Variants in PRKN observed in about 807,000 individuals in gnomAD.
PRKN encodes the protein parkin RBR E3 ubiquitin protein ligase.
Under a neutral mutation model 59.5 loss-of-function variants are expected in PRKN, and 56 were observed. The observed-to-expected ratio is 0.94, with a 90% CI of 0.76 to 1.18. PRKN has a LOEUF of 1.18. Ranked by LOEUF, PRKN falls within the 50% of genes most tolerant of loss-of-function variation. The pLI is 0.00. For missense variants in PRKN, 657 were observed against 596.4 expected (o/e 1.10, Z -1.06); for synonymous variants, 250 against 222.1 (o/e 1.13, Z -1.12).
At chr6:162,467,588 G>A (rs376293993) in intron 1 of PRKN, among the ~76,000 whole-genome samples, 11 of 151,948 alleles carry the variant, frequency 7.2e-5, no homozygotes, top group African/African-American at 2.4e-4. Context: ...CTGCATTGTC[G>A]TGACCATTAT....
At chr6:162,367,141 T>G (rs12206970) in intron 2 of PRKN, among the ~76,000 whole-genome samples, 1 of 151,826 alleles carries the variant, frequency 6.6e-6, no homozygotes, top group African/African-American at 2.4e-5. Flanking sequence ...GGGGAGCTGA[T>G]GGTTTTATCA....
intron 1 of PRKN, among the ~76,000 whole-genome samples, chr6:162,528,086 G>A (rs532626765): frequency 8.0e-6 from 1 of 125,556 alleles, no homozygotes; most frequent in Admixed American, 8.1e-5. Flanking sequence ...CGGGAGGGGT[G>A]CGGGGCGGCG....
chr6:162,280,933 G>A (rs529906490), intron 2 of PRKN, among the ~76,000 whole-genome samples: 1 of 151,918 alleles, frequency 6.6e-6, no homozygotes, highest in Non-Finnish European at 1.5e-5. Context: ...ATACACCATG[G>A]AATACTATGC....
intron 1 of PRKN, among the ~76,000 whole-genome samples, chr6:162,562,395 G>A (rs1482000089): frequency 6.6e-6 from 1 of 152,124 alleles, no homozygotes; most frequent in Non-Finnish European, 1.5e-5. Context: ...GTGTGCTCTT[G>A]GGGTCCCCAG....
intron 7 of PRKN, among the ~76,000 whole-genome samples, chr6:161,569,951 A>T (rs1780807094): frequency 6.6e-6 from 1 of 151,756 alleles, no homozygotes; most frequent in South Asian, 2.1e-4. Flanking sequence ...AGGCTTTGTG[A>T]AGACCTATTA....
At chr6:162,721,014 CA>C (rs1778922345) in intron 1 of PRKN, among the ~76,000 whole-genome samples, 2 of 152,150 alleles carry the variant, frequency 1.3e-5, no homozygotes, top group Non-Finnish European at 2.9e-5. Context: ...ATCTATTCTA[CA>C]AAAATAAGAA....
At chr6:161,945,179 T>G (rs1583386260) in intron 6 of PRKN, among the ~76,000 whole-genome samples, 1 of 151,928 alleles carries the variant, frequency 6.6e-6, no homozygotes, top group East Asian at 1.9e-4. Context: ...GGATTGGAAG[T>G]TTTTCAAAAT....
intron 6 of PRKN, among the ~76,000 whole-genome samples, chr6:161,835,147 G>A (rs544825686): frequency 5.3e-5 from 8 of 152,182 alleles, no homozygotes; most frequent in Non-Finnish European, 8.8e-5. Context: ...TCTGAAATAC[G>A]ACAGGAGTTA....
At chr6:162,402,866 C>G (rs750228361) in intron 2 of PRKN, among the ~76,000 whole-genome samples, 1 of 151,846 alleles carries the variant, frequency 6.6e-6, no homozygotes, top group South Asian at 2.1e-4. Flanking sequence ...ATTGCCCGGG[C>G]TGGTTTCACA....
At position 162,589,375 on chromosome 6, in the gene PRKN, C is replaced by T. The variant is rs545637081; in HGVS notation, c.7+138287G>A. On this transcript the variant is annotated intron_variant, in intron 1 of 11. Coordinates refer to ENST00000366898, the MANE Select transcript of PRKN (RefSeq NM_004562.3). ...TTAAAAAAAATAACACTGATAGCTC[C>T]TACCATCCATAAACAGATATATTCG... 2.8e-4 allele frequency among the ~76,000 whole-genome samples: 43 copies of T among 152,176 alleles called. 1 individual carries two copies. The highest frequency in any genetic ancestry group is 8.7e-4 in the African/African-American group (36 of 41,534).
intron 2 of PRKN, among the ~76,000 whole-genome samples, chr6:162,354,085 G>T (rs558319414): frequency 6.6e-6 from 1 of 152,182 alleles, no homozygotes; most frequent in East Asian, 1.9e-4. Context: ...TATTTGTCTA[G>T]AATTTAATTC....
intron 2 of PRKN, among the ~76,000 whole-genome samples, chr6:162,320,534 A>G (rs1419951283): frequency 6.6e-6 from 1 of 151,570 alleles, no homozygotes; most frequent in Non-Finnish European, 1.5e-5. Context: ...AAGAATGTGC[A>G]AATTAAAACC....
intron 7 of PRKN, among the ~76,000 whole-genome samples, chr6:161,765,442 A>G (rs1273680832): frequency 6.6e-6 from 1 of 152,226 alleles, no homozygotes; most frequent in Non-Finnish European, 1.5e-5. Context: ...TGGCAAAATT[A>G]CAGCCTAGAC....
chr6:161,787,015 A>G (rs1333931248), intron 6 of PRKN, among the ~76,000 whole-genome samples: 1 of 152,180 alleles, frequency 6.6e-6, no homozygotes, highest in Non-Finnish European at 1.5e-5. Context: ...ATCAGCCCCA[A>G]GGCGATTTTA....
intron 7 of PRKN, among the ~76,000 whole-genome samples, chr6:161,658,299 T>C (rs1784428860): frequency 1.3e-5 from 2 of 152,206 alleles, no homozygotes; most frequent in African/African-American, 2.4e-5. Flanking sequence ...ATTGGAAGTG[T>C]TGGTCAATTA....
chr6:162,054,745 C>A (rs1209846509), intron 4 of PRKN, among the ~76,000 whole-genome samples: 2 of 152,206 alleles, frequency 1.3e-5, no homozygotes, highest in African/African-American at 4.8e-5. Context: ...AGCAACACTT[C>A]TTTTAAATTA....
intron 7 of PRKN, among the ~76,000 whole-genome samples, chr6:161,625,426 T>TG (rs1783049470): frequency 1.4e-5 from 1 of 70,324 alleles, no homozygotes; most frequent in Non-Finnish European, 2.8e-5. Flanking sequence ...GATGGGGGCC[T>TG]GGGGGAGGGA....
chr6:161,803,813 G>A (rs1239374185), intron 6 of PRKN, among the ~76,000 whole-genome samples: 1 of 152,222 alleles, frequency 6.6e-6, no homozygotes, highest in Non-Finnish European at 1.5e-5. Context: ...TTCCTGGCAT[G>A]TGGCGGGTCT....
intron 2 of PRKN, among the ~76,000 whole-genome samples, chr6:162,265,389 G>A (rs1199497412): frequency 2.6e-5 from 4 of 152,082 alleles, no homozygotes; most frequent in Non-Finnish European, 5.9e-5. Flanking sequence ...CGCTGCTAAG[G>A]TCCATCAAAA....
Sources: gnomAD v4.1 joint callset for allele counts (sites outside exome capture counted in the v4.1 genomes callset) on GRCh38, gnomAD v4.1.1 for gene constraint, MANE v1.5 for transcripts, NCBI Gene and HGNC (gene_info 2026-07-23, HGNC 2026-07-21) for gene names.